Variants in GLRA3 observed in about 807,000 individuals in gnomAD.
GLRA3 encodes glycine receptor subunit alpha-3.
A neutral mutation model predicts 60.4 loss-of-function variants in GLRA3; 44 were observed. The ratio of observed to expected loss-of-function variants is 0.73; its 90% CI spans 0.57 to 0.94. The LOEUF (loss-of-function observed/expected upper bound fraction) is 0.94, where lower values mean the gene tolerates loss of function less well. Ranked by LOEUF, GLRA3 falls within the 40% of genes least tolerant of loss-of-function variation. GLRA3 has a pLI of 0.00. For missense variants in GLRA3, 508 were observed against 564.6 expected, an observed-to-expected ratio of 0.90 and a Z score of 1.02; for synonymous variants, 223 against 192.9, an observed-to-expected ratio of 1.16 and a Z score of -1.29.
intron 6 of GLRA3, among the ~76,000 whole-genome samples, chr4:174,678,020 C>A (rs1410762935): frequency 6.6e-6 from 1 of 152,070 alleles, no homozygotes; most frequent in African/African-American, 2.4e-5. Flanking sequence ...TTTCCATTTT[C>A]TTTAAAGTAA....
chr4:174,662,093 C>T (rs1461746518), intron 7 of GLRA3, among the ~76,000 whole-genome samples: 1 of 152,122 alleles, frequency 6.6e-6, no homozygotes, highest in Non-Finnish European at 1.5e-5. Flanking sequence ...TTAGTTTCCG[C>T]TCTTATTGTA....
At chr4:174,723,826 T>C (rs1032990073) in intron 4 of GLRA3, among the ~76,000 whole-genome samples, 1 of 151,934 alleles carries the variant, frequency 6.6e-6, no homozygotes, top group Admixed American at 6.6e-5. Flanking sequence ...TTAAGAGACT[T>C]TATAACTTAA....
chr4:174,698,662 A>G (rs1320683794), intron 5 of GLRA3, among the ~76,000 whole-genome samples: 2 of 152,200 alleles, frequency 1.3e-5, no homozygotes, highest in Non-Finnish European at 1.5e-5. Flanking sequence ...ATTATGAAAA[A>G]GTCTTTGTAA....
intron 1 of GLRA3, among the ~76,000 whole-genome samples, chr4:174,822,047 C>A (rs948244495): frequency 2.0e-5 from 3 of 151,966 alleles, no homozygotes; most frequent in Non-Finnish European, 2.9e-5. Flanking sequence ...TGATTCTATC[C>A]CCATGGGAGT....
At chr4:174,765,205 A>C (rs1738094541) in intron 3 of GLRA3, among the ~76,000 whole-genome samples, 1 of 152,044 alleles carries the variant, frequency 6.6e-6, no homozygotes, top group Non-Finnish European at 1.5e-5. Flanking sequence ...TTAAGGTAAG[A>C]AATTTAACTG....
chr4:174,706,185 A>C (rs535943171), intron 5 of GLRA3, among the ~76,000 whole-genome samples: 81 of 151,964 alleles, frequency 5.3e-4, no homozygotes, highest in South Asian at 1.0e-3. Flanking sequence ...AGCCGAGTTC[A>C]CGCCACTGCA....
intron 1 of GLRA3, among the ~76,000 whole-genome samples, chr4:174,827,748 A>C (rs1407075927): frequency 6.6e-6 from 1 of 152,014 alleles, no homozygotes; most frequent in African/African-American, 2.4e-5. Context: ...GAGATACACT[A>C]TTGGTTTTTA....
intron 5 of GLRA3, among the ~76,000 whole-genome samples, chr4:174,684,665 G>A (rs1734485792): frequency 6.6e-6 from 1 of 152,200 alleles, no homozygotes. Flanking sequence ...TACCATGGAG[G>A]TAGAGAGAGG....
intron 1 of GLRA3, among the ~76,000 whole-genome samples, chr4:174,818,678 C>A (rs192225592): frequency 1.3e-5 from 2 of 152,106 alleles, no homozygotes; most frequent in Non-Finnish European, 2.9e-5. Flanking sequence ...CAACATAAAG[C>A]AGAAGGAAGA....
intron 5 of GLRA3, among the ~76,000 whole-genome samples, chr4:174,694,855 A>C (rs1734988728): frequency 6.6e-6 from 1 of 152,034 alleles, no homozygotes; most frequent in Non-Finnish European, 1.5e-5. Context: ...AAAAGAGAGA[A>C]CGTCCAGATA....
At chr4:174,688,617 T>TGTGA (rs1491231516) in intron 5 of GLRA3, among the ~76,000 whole-genome samples, 63 of 145,964 alleles carry the variant, frequency 4.3e-4, no homozygotes, top group Middle Eastern at 7.1e-3. Context: ...TGTGTGTGTG[T>TGTGA]GACGTTATTT....
At chr4:174,753,963 A>AT (rs34815169) in intron 3 of GLRA3, among the ~76,000 whole-genome samples, 26,006 of 150,728 alleles carry the variant, frequency 0.17, 2,676 homozygotes, top group Admixed American at 0.25. Flanking sequence ...CAGGATACAG[A>AT]TTTTTTTTTT....
chr4:174,761,891 A>C (rs1050977092), intron 3 of GLRA3, among the ~76,000 whole-genome samples: 1 of 152,188 alleles, frequency 6.6e-6, no homozygotes, highest in Admixed American at 6.6e-5. Context: ...TTGAATAAAA[A>C]GTTAGGAAAA....
rs527978245 is a variant in GLRA3, at chr4:174,728,811, C to G, written c.268-113G>C. 2,008 of 628,654 alleles carry G rather than the reference C, an allele frequency of 3.2e-3. 8 individuals carry two copies. The highest frequency in any genetic ancestry group is 4.7e-3 in the Non-Finnish European group (1,696 of 363,156). 38.9% of individuals were successfully genotyped at this position (628,654 alleles called of 1,614,324 possible). ...CTCATCAACTGTAGAAAATATACCCCTCTTGGGGACGGGGTGTATAGTTAA... is the reference window on the plus strand; with the variant it reads ...CTCATCAACTGTAGAAAATATACCCGTCTTGGGGACGGGGTGTATAGTTAA... On this transcript the variant is annotated intron_variant, in intron 3 of 9. Coordinates refer to ENST00000274093, the MANE Select transcript of GLRA3 (RefSeq NM_006529.4).
intron 1 of GLRA3, among the ~76,000 whole-genome samples, chr4:174,791,751 G>A (rs928426573): frequency 2.0e-5 from 3 of 151,878 alleles, no homozygotes; most frequent in Admixed American, 6.6e-5. Flanking sequence ...ATATATTTTC[G>A]TTTCTTTGAG....
chr4:174,742,720 G>A (rs76151588), intron 3 of GLRA3, among the ~76,000 whole-genome samples: 5,508 of 152,250 alleles, frequency 0.036, 151 homozygotes, highest in Admixed American at 0.057. Context: ...TTTAAAGCCT[G>A]TTCCCTGGTG....
Position 174,643,941 on chromosome 4 carries a change from G to A in GLRA3, c.1240C>T (p.Pro414Ser). 35 of 1,613,996 alleles carry A rather than the reference G, an allele frequency of 2.2e-5. No individual in the cohort carries two copies. The highest frequency in any genetic ancestry group is 2.8e-5 in the Non-Finnish European group (33 of 1,179,960). The change falls in exon 10 of 10, where the codon CCT becomes TCT. Residue 414 changes from proline to serine, a missense_variant. Pro to Ser is a moderately conservative substitution (Grantham distance 74). This residue lies in a region of GLRA3 where 176 missense variants were observed against 197.9 expected (regional missense o/e 0.89). Coordinates refer to ENST00000274093, the MANE Select transcript of GLRA3 (RefSeq NM_006529.4). ...ATAAAGACCTTCCTCATTTCATCAG[G>A]ACTTTTTGGCATTACCTGGACAGGG... ...NHPVQVMPKS[P>S]DEMRKVFIDR...
chr4:174,781,871 C>T (rs959034453), intron 2 of GLRA3, among the ~76,000 whole-genome samples: 13 of 152,152 alleles, frequency 8.5e-5, no homozygotes, highest in African/African-American at 1.7e-4. Context: ...GATTCACAGC[C>T]GAATTCTACC....
At chr4:174,757,624 T>C (rs942964445) in intron 3 of GLRA3, among the ~76,000 whole-genome samples, 2 of 152,170 alleles carry the variant, frequency 1.3e-5, no homozygotes, top group African/African-American at 2.4e-5. Flanking sequence ...ACTCAAAGCA[T>C]AAAATAAATG....
Sources: allele counts gnomAD v4.1 joint callset (sites outside exome capture counted in the v4.1 genomes callset), GRCh38; gene constraint gnomAD v4.1.1; regional missense constraint gnomAD v4.1.1; transcripts MANE v1.5; gene names NCBI Gene and HGNC (gene_info 2026-07-23, HGNC 2026-07-21).